Variants in DPP6 observed in about 807,000 individuals in gnomAD.
DPP6 encodes A-type potassium channel modulatory protein DPP6.
In DPP6, 69 loss-of-function variants were observed where a neutral mutation model predicts 122.6. The observed-to-expected ratio is 0.56, with a 90% CI of 0.46 to 0.69. The LOEUF (loss-of-function observed/expected upper bound fraction) is 0.69, where lower values mean the gene tolerates loss of function less well. DPP6 is among the 30% of genes least tolerant of loss of function. The pLI is 0.00. For synonymous variants in DPP6, 418 were observed against 433.1 expected, an observed-to-expected ratio of 0.97 and a Z score of 0.43; for missense variants, 928 against 1,116.9, an observed-to-expected ratio of 0.83 and a Z score of 2.41.
At chr7:154,177,476 G>T (rs1252635265) in intron 1 of DPP6, among the ~76,000 whole-genome samples, 1 of 152,166 alleles carries the variant, frequency 6.6e-6, no homozygotes, top group Non-Finnish European at 1.5e-5. Context: ...ATAAAGGTAT[G>T]CTGAGGAAAG....
At chr7:153,910,377 G>A (rs1451125552) in intron 1 of DPP6, among the ~76,000 whole-genome samples, 5 of 151,758 alleles carry the variant, frequency 3.3e-5, no homozygotes, top group African/African-American at 4.8e-5. Flanking sequence ...CTATAGGCAC[G>A]AGCCCACACC....
chr7:154,373,066 C>T (rs1410976443), intron 1 of DPP6, among the ~76,000 whole-genome samples: 2 of 152,202 alleles, frequency 1.3e-5, no homozygotes, highest in Admixed American at 6.5e-5. Flanking sequence ...CTGCACCATC[C>T]GCTTCCTCTC....
At chr7:154,033,698 A>G (rs1217838361) in intron 1 of DPP6, among the ~76,000 whole-genome samples, 9 of 152,276 alleles carry the variant, frequency 5.9e-5, no homozygotes, top group Non-Finnish European at 2.9e-5. Flanking sequence ...CCCATATTCC[A>G]TGGTTGATTA....
At chr7:154,215,943 T>C (rs1267150652) in intron 1 of DPP6, among the ~76,000 whole-genome samples, 1 of 152,066 alleles carries the variant, frequency 6.6e-6, no homozygotes, top group Non-Finnish European at 1.5e-5. Flanking sequence ...ATCTATCTTA[T>C]ACTAGATACG....
intron 6 of DPP6, among the ~76,000 whole-genome samples, chr7:154,659,051 G>A (rs944498646): frequency 2.6e-5 from 4 of 152,202 alleles, no homozygotes; most frequent in Non-Finnish European, 4.4e-5. Context: ...TTCCCACAGT[G>A]GAGAAGAAGT....
chr7:154,073,363 T>C (rs1304868636), intron 1 of DPP6, among the ~76,000 whole-genome samples: 2 of 152,236 alleles, frequency 1.3e-5, no homozygotes, highest in African/African-American at 2.4e-5. Flanking sequence ...ATCTGTGCTC[T>C]CTACCAAGGA....
intron 2 of DPP6, among the ~76,000 whole-genome samples, chr7:154,465,212 T>C (rs1443472438): frequency 6.6e-6 from 1 of 152,214 alleles, no homozygotes; most frequent in Non-Finnish European, 1.5e-5. Context: ...TATTTACACA[T>C]ATTAATTGCA....
chr7:154,771,215 A>G (rs955744176), intron 9 of DPP6, among the ~76,000 whole-genome samples: 1 of 152,260 alleles, frequency 6.6e-6, no homozygotes, highest in Non-Finnish European at 1.5e-5. Flanking sequence ...GCCTAGAGAA[A>G]GGAAACACCT....
intron 1 of DPP6, among the ~76,000 whole-genome samples, chr7:153,951,011 C>T (rs982364152): frequency 2.6e-5 from 4 of 152,034 alleles, no homozygotes; most frequent in Admixed American, 6.5e-5. Context: ...GGACAGCTCA[C>T]GGCAGGGAGA....
chr7:153,880,931 G>A, the DPP6 span, among the ~76,000 whole-genome samples: 1 of 152,146 alleles, frequency 6.6e-6, no homozygotes, highest in African/African-American at 2.4e-5. Context: ...CATTGCCAAA[G>A]ATAACAGTCT....
the DPP6 span, among the ~76,000 whole-genome samples, chr7:153,759,304 A>G: frequency 6.6e-6 from 1 of 151,396 alleles, no homozygotes; most frequent in African/African-American, 2.4e-5. Flanking sequence ...CTATAGGGGT[A>G]TATAGTCTAT....
In DPP6 at chr7:154,389,318, T is replaced by G. The variant is rs532206759; in HGVS notation, c.244-56896T>G. Among the ~76,000 whole-genome samples the G allele has an allele frequency of 7.0e-4, 106 of 152,328 alleles. No homozygotes were observed. The South Asian group carries it at 0.02, about 28-fold the overall frequency. ...GGAAGTTTAATGGATGGTGCTGCCTTCTGAAAGATTAATCGTGCCTTGAAA... is the reference window on the plus strand; with the variant it reads ...GGAAGTTTAATGGATGGTGCTGCCTGCTGAAAGATTAATCGTGCCTTGAAA... On this transcript the variant is annotated intron_variant, in intron 1 of 25. Coordinates refer to ENST00000377770, the MANE Select transcript of DPP6 (RefSeq NM_130797.4).
intron 1 of DPP6, among the ~76,000 whole-genome samples, chr7:154,356,964 T>C (rs535070045): frequency 2.0e-5 from 3 of 152,298 alleles, no homozygotes; most frequent in Non-Finnish European, 1.5e-5. Context: ...ATCTAGACAA[T>C]ATTACATTGA....
chr7:153,963,987 CT>C (rs912123142), intron 1 of DPP6, among the ~76,000 whole-genome samples: 1 of 152,104 alleles, frequency 6.6e-6, no homozygotes, highest in Non-Finnish European at 1.5e-5. Context: ...ACTTTCAGGT[CT>C]TTTTACCTTT....
At chr7:153,755,687 C>A in the DPP6 span, among the ~76,000 whole-genome samples, 1 of 152,114 alleles carries the variant, frequency 6.6e-6, no homozygotes, top group East Asian at 1.9e-4. Context: ...AGGAATTGAG[C>A]AGCCTCCTCC....
intron 3 of DPP6, among the ~76,000 whole-genome samples, chr7:154,506,444 A>G (rs1825672338): frequency 1.3e-5 from 2 of 152,166 alleles, no homozygotes; most frequent in Admixed American, 1.3e-4. Context: ...GTTTAATGGT[A>G]TATTTCATAA....
At chr7:154,829,186 C>T (rs536138312) in intron 16 of DPP6, among the ~76,000 whole-genome samples, 2 of 150,008 alleles carry the variant, frequency 1.3e-5, no homozygotes, top group Admixed American at 6.7e-5. Flanking sequence ...AGTTTGAGAC[C>T]AGCCTGGGCA....
chr7:154,198,543 A>C (rs2150780211), intron 1 of DPP6, among the ~76,000 whole-genome samples: 1 of 152,140 alleles, frequency 6.6e-6, no homozygotes, highest in Admixed American at 6.5e-5. Flanking sequence ...TGAACTCCTG[A>C]CTTCAAATGA....
intron 1 of DPP6, among the ~76,000 whole-genome samples, chr7:153,981,881 T>C (rs1377229170): frequency 1.3e-5 from 2 of 151,942 alleles, no homozygotes; most frequent in African/African-American, 4.8e-5. Flanking sequence ...CCCACTCTCT[T>C]CTGGCTTGTA....
Sources: allele counts gnomAD v4.1 joint callset (sites outside exome capture counted in the v4.1 genomes callset), GRCh38; gene constraint gnomAD v4.1.1; transcripts MANE v1.5; gene names NCBI Gene and HGNC (gene_info 2026-07-23, HGNC 2026-07-21).